The following TEC variants were observed in gnomAD, a reference collection of about 807,000 sequenced individuals.
TEC encodes the protein tec protein tyrosine kinase.
TEC carries 72 observed loss-of-function variants against 93.0 expected under a neutral mutation model. That is an observed-to-expected ratio of 0.77 (90% CI 0.64 to 0.94). The LOEUF (loss-of-function observed/expected upper bound fraction) is 0.94. TEC is among the 40% of genes least tolerant of loss of function. The pLI is 0.00. For missense variants in TEC, 630 were observed against 757.9 expected (o/e 0.83, Z 1.98); for synonymous variants, 249 against 247.7 (o/e 1.01, Z -0.05).
intron 2 of TEC, among the ~76,000 whole-genome samples, chr4:48,194,550 T>G (rs1355422146): frequency 6.6e-6 from 1 of 152,058 alleles, no homozygotes; most frequent in Non-Finnish European, 1.5e-5. Flanking sequence ...AGAGAAACAT[T>G]CCCTCCTTGT....
chr4:48,249,982 T>C (rs529901150), intron 1 of TEC, among the ~76,000 whole-genome samples: 1 of 152,224 alleles, frequency 6.6e-6, no homozygotes, highest in Non-Finnish European at 1.5e-5. Flanking sequence ...AGCCAAGGCA[T>C]GCATCCTGGA....
At chr4:48,166,102 C>T (rs1720863079) in intron 7 of TEC, among the ~76,000 whole-genome samples, 1 of 152,178 alleles carries the variant, frequency 6.6e-6, no homozygotes, top group South Asian at 2.1e-4. Flanking sequence ...ATGTGCATTC[C>T]CTTTCACTGA....
Position 48,141,689 on chromosome 4 carries a change from T to C in TEC, c.1471-270A>G, listed in dbSNP as rs568028680. The stretch of plus-strand genomic sequence containing the variant: ...TCTTTTTTTTTTCTTTTCTTTCTTT[T>C]TTTTTTTTTTGAGACAGAGTCTGCC... On this transcript the variant is annotated intron_variant, in intron 14 of 17. Coordinates refer to ENST00000381501, the MANE Select transcript of TEC (RefSeq NM_003215.3). 2.6e-5 allele frequency: 7 copies of C among 265,682 alleles called. No individual in the cohort carries two copies. In the South Asian group the frequency reaches 3.4e-4, roughly 13 times the overall value. The allele number at this position is 265,682 out of a possible 1,614,324, so 16.5% of individuals were successfully genotyped here.
chr4:48,169,795 TGTGA>T (rs1393016422), intron 5 of TEC, among the ~76,000 whole-genome samples: 1 of 152,202 alleles, frequency 6.6e-6, no homozygotes, highest in Non-Finnish European at 1.5e-5. Flanking sequence ...AACATTTACA[TGTGA>T]GTATCATTAT....
chr4:48,150,253 GCAGCTACAA>G (rs1365387923), intron 10 of TEC, among the ~76,000 whole-genome samples: 1 of 152,078 alleles, frequency 6.6e-6, no homozygotes, highest in Non-Finnish European at 1.5e-5. Context: ...CATTCTACCT[GCAGCTACAA>G]CATACTTTTC....
At chr4:48,181,901 A>C (rs1043621759) in intron 2 of TEC, among the ~76,000 whole-genome samples, 5 of 152,196 alleles carry the variant, frequency 3.3e-5, no homozygotes, top group Non-Finnish European at 7.3e-5. Context: ...AGGAACTCAC[A>C]GTTTCTCCTC....
intron 1 of TEC, among the ~76,000 whole-genome samples, chr4:48,256,057 A>G (rs935456587): frequency 1.3e-5 from 2 of 152,234 alleles, no homozygotes; most frequent in Non-Finnish European, 2.9e-5. Context: ...TGGAAATACA[A>G]TTATGAATAA....
intron 2 of TEC, among the ~76,000 whole-genome samples, chr4:48,192,448 G>A (rs1037251513): frequency 2.0e-5 from 3 of 152,130 alleles, no homozygotes; most frequent in African/African-American, 7.2e-5. Context: ...TTTCATGGAT[G>A]TATACCTAAT....
chr4:48,251,661 T>G (rs539474996), intron 1 of TEC, among the ~76,000 whole-genome samples: 7 of 152,226 alleles, frequency 4.6e-5, no homozygotes, highest in African/African-American at 1.7e-4. Flanking sequence ...TTGGACATGA[T>G]TGTATTTACT....
chr4:48,158,953 T>C (rs1160874987), intron 8 of TEC, among the ~76,000 whole-genome samples: 3 of 152,108 alleles, frequency 2.0e-5, no homozygotes, highest in Admixed American at 6.5e-5. Context: ...TAAGTGTCTG[T>C]TGAAAGACAG....
At position 48,167,401 on chromosome 4, in the gene TEC, C is replaced by T. The variant is rs186369319; in HGVS notation, c.671+377G>A. ...GCATACACACACGCACATACACATA[C>T]GTATATATAGAGAGAGAGAGTCTAA... is the stretch of plus-strand genomic sequence containing the variant. On this transcript the variant is annotated intron_variant, in intron 7 of 17. Coordinates refer to ENST00000381501, the MANE Select transcript of TEC (RefSeq NM_003215.3). 2.6e-3 allele frequency among the ~76,000 whole-genome samples: 387 copies of T among 151,652 alleles called. 3 individuals are homozygous for T. The highest frequency in any genetic ancestry group is 6.7e-3 in the Admixed American group (102 of 15,238).
At chr4:48,210,496 T>A (rs868613569) in intron 2 of TEC, among the ~76,000 whole-genome samples, 2 of 147,744 alleles carry the variant, frequency 1.4e-5, no homozygotes, top group East Asian at 2.0e-4. Context: ...ATAAAAAAAA[T>A]GGAGGAGGAG....
intron 9 of TEC, among the ~76,000 whole-genome samples, chr4:48,155,600 T>C (rs1375123614): frequency 6.6e-6 from 1 of 152,224 alleles, no homozygotes; most frequent in South Asian, 2.1e-4. Context: ...AGGAACACTC[T>C]AATAGAGACA....
intron 2 of TEC, among the ~76,000 whole-genome samples, chr4:48,198,195 G>C (rs1414155330): frequency 1.3e-5 from 2 of 152,224 alleles, no homozygotes; most frequent in African/African-American, 4.8e-5. Context: ...TGCTTTCCCA[G>C]GGATCCTGGG....
At chr4:48,269,487 G>A (rs1214855904) in intron 1 of TEC, among the ~76,000 whole-genome samples, 1 of 152,272 alleles carries the variant, frequency 6.6e-6, no homozygotes. Context: ...AGGTCAGTGC[G>A]GGAGTTGGAG....
chr4:48,263,099 C>T (rs571322728), intron 1 of TEC, among the ~76,000 whole-genome samples: 19 of 152,252 alleles, frequency 1.2e-4, no homozygotes, highest in Admixed American at 3.9e-4. Flanking sequence ...GATGAAATGA[C>T]GTTGGGAAAG....
In TEC at chr4:48,146,418, G is replaced by A. The variant is rs3749503; in HGVS notation, c.1007-19C>T. 695,539 of 1,608,788 alleles carry A rather than the reference G, an allele frequency of 0.43. 153,953 individuals are homozygous for A. Among genetic ancestry groups the A allele is most frequent in the Admixed American group, 0.5 (29,820 of 59,788 alleles). On this transcript the variant is annotated intron_variant, in intron 11 of 17. Coordinates refer to ENST00000381501, the MANE Select transcript of TEC (RefSeq NM_003215.3). ...ACAAGTCCTAATAATCAAAGAAAGC[G>A]TTGCAGTCAAACTCATTCATAATCA...
intron 2 of TEC, among the ~76,000 whole-genome samples, chr4:48,216,615 C>T (rs1723089894): frequency 6.6e-6 from 1 of 152,098 alleles, no homozygotes; most frequent in Non-Finnish European, 1.5e-5. Flanking sequence ...TTTATTTCAA[C>T]TACAATGCCA....
chr4:48,152,443 A>G (rs1720212103), intron 9 of TEC, among the ~76,000 whole-genome samples: 1 of 144,722 alleles, frequency 6.9e-6, no homozygotes, highest in Admixed American at 6.7e-5. Flanking sequence ...ATCATAAATA[A>G]ATAAATAAAT....
Sources: gnomAD v4.1 joint callset for allele counts (sites outside exome capture counted in the v4.1 genomes callset) on GRCh38, gnomAD v4.1.1 for gene constraint, MANE v1.5 for transcripts, NCBI Gene and HGNC (gene_info 2026-07-23, HGNC 2026-07-21) for gene names.